PRKCI: variants seen among roughly 807,000 people sequenced by gnomAD.
The protein encoded by PRKCI is protein kinase C iota.
PRKCI carries 43 observed loss-of-function variants against 84.0 expected under a neutral mutation model. The observed-to-expected ratio is 0.51, with a 90% CI of 0.40 to 0.66. PRKCI has a LOEUF of 0.66. Ranked by LOEUF, PRKCI falls within the 30% of genes least tolerant of loss-of-function variation. The pLI, the probability that PRKCI is intolerant of heterozygous loss-of-function variation, is 0.00. For synonymous variants in PRKCI, 216 were observed against 234.4 expected (o/e 0.92, Z 0.72); for missense variants, 459 against 745.6 (o/e 0.62, Z 4.48).
At chr3:170,263,481 C>A in intron 4 of PRKCI, 52 bp downstream of exon 4, 1 of 1,446,282 alleles carries the variant, frequency 6.9e-7, no homozygotes, top group Non-Finnish European at 9.6e-7. Flanking sequence ...TGCTATGGTA[C>A]AAGTGAAAAA....
rs548232866 is a variant in PRKCI at position 170,222,547 on chromosome 3, T to C, written c.-123T>C. 1.0e-5 allele frequency: 8 copies of C among 800,760 alleles called. No homozygotes were observed. Among genetic ancestry groups the C allele is most frequent in the Middle Eastern group, 4.1e-4 (1 of 2,464 alleles). 49.6% of individuals were successfully genotyped at this position (800,760 alleles called of 1,614,324 possible). On this transcript the variant is annotated 5_prime_UTR_variant, in exon 1 of 18. Coordinates refer to ENST00000295797, the MANE Select transcript of PRKCI (RefSeq NM_002740.6). ...CCTTGGGTCGGCGCTGCGGGCGAGGTGGGCAGGTAGGTGGGCGGACGGCCG... is the reference window on the plus strand; with the variant it reads ...CCTTGGGTCGGCGCTGCGGGCGAGGCGGGCAGGTAGGTGGGCGGACGGCCG...
chr3:170,251,225 TATCA>T (rs1733435873), intron 2 of PRKCI, among the ~76,000 whole-genome samples: 1 of 152,222 alleles, frequency 6.6e-6, no homozygotes. Context: ...ATTCCCTGCA[TATCA>T]ATCTGTGAAG....
chr3:170,227,969 A>G (rs1732678232), intron 1 of PRKCI, among the ~76,000 whole-genome samples: 1 of 152,196 alleles, frequency 6.6e-6, no homozygotes, highest in Non-Finnish European at 1.5e-5. Context: ...AGAATTAAAG[A>G]TAGTCTTGTA....
At chr3:170,296,260 C>T (rs2108867072) in intron 15 of PRKCI, among the ~76,000 whole-genome samples, 1 of 152,288 alleles carries the variant, frequency 6.6e-6, no homozygotes, top group East Asian at 1.9e-4. Flanking sequence ...ATACCATATT[C>T]TCACATAGGG....
At chr3:170,251,000 T>C (rs763363523) in intron 2 of PRKCI, among the ~76,000 whole-genome samples, 116 of 152,206 alleles carry the variant, frequency 7.6e-4, no homozygotes, top group Non-Finnish European at 1.5e-3. Flanking sequence ...CCAGTAACTT[T>C]CCTTCCTACA....
rs1734899227 is a variant in PRKCI, at chr3:170,304,246, A to G, written c.*1119A>G. The stretch of plus-strand genomic sequence containing the variant: ...AAAGGAAAAAAACCAGAAATTTAAA[A>G]TAGATACAGAAAAGTACACTGGTAA... On this transcript the variant is annotated 3_prime_UTR_variant, in exon 18 of 18. Coordinates refer to ENST00000295797, the MANE Select transcript of PRKCI (RefSeq NM_002740.6). The G allele has an allele frequency of 6.6e-6, 1 of 152,168 alleles. No individual in the cohort carries two copies. The highest frequency in any genetic ancestry group is 1.5e-5 in the Non-Finnish European group (1 of 68,038). 9.4% of individuals were successfully genotyped at this position (152,168 alleles called of 1,614,324 possible). A position where few individuals can be genotyped will look rare whatever the true frequency, so the allele number is the denominator to read the frequency against.
chr3:170,238,879 C>T (rs1042883334), intron 2 of PRKCI, among the ~76,000 whole-genome samples: 2 of 152,246 alleles, frequency 1.3e-5, no homozygotes, highest in South Asian at 2.1e-4. Context: ...GCATGAGCCA[C>T]CACTCCCAGC....
intron 1 of PRKCI, among the ~76,000 whole-genome samples, chr3:170,231,673 C>T (rs1732797944): frequency 6.6e-6 from 1 of 152,072 alleles, no homozygotes; most frequent in Non-Finnish European, 1.5e-5. Flanking sequence ...CCATGTTGGC[C>T]AGACTGGTCT....
intron 12 of PRKCI, among the ~76,000 whole-genome samples, chr3:170,290,812 T>G (rs1734532394): frequency 6.6e-6 from 1 of 152,120 alleles, no homozygotes; most frequent in Non-Finnish European, 1.5e-5. Flanking sequence ...CCTGTTAGTG[T>G]GTTTTGCCTT....
At chr3:170,297,674 T>C (rs1734719112) in intron 16 of PRKCI, among the ~76,000 whole-genome samples, 1 of 151,604 alleles carries the variant, frequency 6.6e-6, no homozygotes, top group Admixed American at 6.6e-5. Flanking sequence ...CAGGCTGGTC[T>C]CGAACTCCTG....
At chr3:170,231,302 G>A (rs1042799638) in intron 1 of PRKCI, among the ~76,000 whole-genome samples, 1 of 151,826 alleles carries the variant, frequency 6.6e-6, no homozygotes, top group African/African-American at 2.4e-5. Flanking sequence ...TGTGAATGGG[G>A]TCTTCTTGTA....
chr3:170,260,152 A>C, intron 3 of PRKCI, 94 bp downstream of exon 3: 14 of 799,456 alleles, frequency 1.8e-5, no homozygotes, highest in Non-Finnish European at 2.5e-5. Context: ...TCTTAATGTC[A>C]TTTTCTCAAT....
At chr3:170,254,668 G>A (rs928174398) in intron 2 of PRKCI, among the ~76,000 whole-genome samples, 7 of 152,086 alleles carry the variant, frequency 4.6e-5, no homozygotes, top group African/African-American at 1.7e-4. Flanking sequence ...TCTCTCTTCT[G>A]TTCCATCGGT....
At chr3:170,293,708 A>C (rs1201535397) in intron 14 of PRKCI, among the ~76,000 whole-genome samples, 200 bp downstream of exon 14, 1 of 152,168 alleles carries the variant, frequency 6.6e-6, no homozygotes, top group Non-Finnish European at 1.5e-5. Context: ...GCTGGAGTGC[A>C]GGGGCGCAAT....
chr3:170,239,801 T>G (rs1284712488), intron 2 of PRKCI, among the ~76,000 whole-genome samples: 1 of 151,926 alleles, frequency 6.6e-6, no homozygotes, highest in Non-Finnish European at 1.5e-5. Context: ...TTGTCTGTTT[T>G]GTTCATGTTG....
intron 1 of PRKCI, among the ~76,000 whole-genome samples, chr3:170,228,616 TACACACACACAC>T (rs36006947): frequency 1.8e-4 from 27 of 147,286 alleles, no homozygotes; most frequent in Non-Finnish European, 3.0e-4. Context: ...TATATATATA[TACACACACACAC>T]ACACACACAC....
intron 11 of PRKCI, 75 bp downstream of exon 11, chr3:170,282,043 A>T: frequency 6.9e-7 from 1 of 1,454,000 alleles, no homozygotes; most frequent in African/African-American, 1.4e-5. Context: ...GGTTGGAAAC[A>T]GTAGATAAAT....
At chr3:170,261,459 T>TAAA (rs1192417978) in intron 3 of PRKCI, among the ~76,000 whole-genome samples, 12 of 128,036 alleles carry the variant, frequency 9.4e-5, no homozygotes, top group African/African-American at 2.8e-4. Flanking sequence ...GTTTTTTTTT[T>TAAA]AAAAAAAAAA....
intron 2 of PRKCI, among the ~76,000 whole-genome samples, chr3:170,245,949 G>GTTTTTTTTTTTTTTTTTTTTTTTTT (rs112482352): frequency 3.6e-5 from 3 of 82,454 alleles, no homozygotes; most frequent in African/African-American, 1.5e-4. Flanking sequence ...TTATGTCTTT[G>GTTTTTTTTTTTTTTTTTTTTTTTTT]TTTTTTTTTT....
Sources: allele counts gnomAD v4.1 joint callset (sites outside exome capture counted in the v4.1 genomes callset), GRCh38; gene constraint gnomAD v4.1.1; transcripts MANE v1.5; gene names NCBI Gene and HGNC (gene_info 2026-07-23, HGNC 2026-07-21).